CLOCK: variants seen among roughly 807,000 people sequenced by gnomAD.
The protein encoded by CLOCK is circadian locomoter output cycles protein kaput.
CLOCK carries 43 observed loss-of-function variants against 118.4 expected under a neutral mutation model. That is an observed-to-expected ratio of 0.36 (90% CI 0.28 to 0.47). The LOEUF is 0.47. Ranked by LOEUF, CLOCK falls within the 20% of genes least tolerant of loss-of-function variation. The probability of loss-of-function intolerance (pLI) is 1.00; values close to 1 mark genes in which losing one functional copy is unlikely to be tolerated. For missense variants in CLOCK, 846 were observed against 999.9 expected, an observed-to-expected ratio of 0.85 and a Z score of 2.08; for synonymous variants, 326 against 339.2, an observed-to-expected ratio of 0.96 and a Z score of 0.43.
intron 21 of CLOCK, among the ~76,000 whole-genome samples, chr4:55,441,009 A>G (rs1015350164): frequency 6.6e-6 from 1 of 152,144 alleles, no homozygotes; most frequent in Non-Finnish European, 1.5e-5. Flanking sequence ...AAAACTGCTC[A>G]CTTCCTCCTT....
At chr4:55,464,215 G>T (rs1725572251) in intron 8 of CLOCK, among the ~76,000 whole-genome samples, 1 of 152,164 alleles carries the variant, frequency 6.6e-6, no homozygotes, top group Non-Finnish European at 1.5e-5. Context: ...TTGTTTTGGT[G>T]TGATTTCAAT....
intron 9 of CLOCK, among the ~76,000 whole-genome samples, chr4:55,460,024 T>C (rs1725218973): frequency 6.6e-6 from 1 of 152,212 alleles, no homozygotes. Flanking sequence ...TCACTAATTA[T>C]TTGGTATTAT....
chr4:55,463,788 T>G lies in CLOCK; in HGVS notation c.456A>C (p.Gln152His), dbSNP rs751547103. The G allele has an allele frequency of 6.2e-6, 10 of 1,610,570 alleles. No homozygotes were observed. In the African/African-American group the frequency reaches 1.3e-4, roughly 22 times the overall value. Reference protein sequence around the residue: ...LEHLPSDLVDQSIFNFIPEGE... With the variant: ...LEHLPSDLVDHSIFNFIPEGE... The stretch of plus-strand genomic sequence containing the variant: ...CTTCTGGGATAAAATTAAATATACT[T>G]TGATCCACAAGATCAGACTGAAAAG... Residue 152 changes from glutamine (Q) to histidine (H), a missense_variant, in exon 9 of 23, where the codon CAA (glutamine) becomes CAC (histidine). Physicochemically the swap from Gln to His is conservative, Grantham distance 24 (BLOSUM62 0). Coordinates refer to ENST00000513440, the MANE Select transcript of CLOCK (RefSeq NM_004898.4).
chr4:55,449,304 G>T, intron 17 of CLOCK, 92 bp downstream of exon 17: 1 of 1,138,986 alleles, frequency 8.8e-7, no homozygotes, highest in South Asian at 1.2e-5. Flanking sequence ...TTTACAAAGA[G>T]GGGTGACAAA....
intron 19 of CLOCK, 60 bp from the exon 20 acceptor site, chr4:55,443,956 TA>T: frequency 6.8e-7 from 1 of 1,481,000 alleles, no homozygotes. Flanking sequence ...GAATGAGCAT[TA>T]AAAAGAAGGC....
intron 15 of CLOCK, 198 bp downstream of exon 15, chr4:55,452,856 T>G: frequency 4.2e-6 from 2 of 472,098 alleles, no homozygotes; most frequent in Non-Finnish European, 7.6e-6. Flanking sequence ...CAGACACATC[T>G]CTCATCCAAT....
chr4:55,441,096 T>C (rs1036687970), intron 21 of CLOCK, among the ~76,000 whole-genome samples: 2 of 152,210 alleles, frequency 1.3e-5, no homozygotes, highest in African/African-American at 2.4e-5. Context: ...GTTTGGTCTT[T>C]CCCTTGGGGA....
At chr4:55,513,768 T>C (rs1729310808) in intron 1 of CLOCK, among the ~76,000 whole-genome samples, 1 of 152,154 alleles carries the variant, frequency 6.6e-6, no homozygotes. Flanking sequence ...ATAGTCTTCC[T>C]ATCCATGAAC....
chr4:55,440,966 AAAAACAAAAC>A (rs751491580), intron 21 of CLOCK, among the ~76,000 whole-genome samples: 2 of 151,922 alleles, frequency 1.3e-5, no homozygotes, highest in African/African-American at 4.8e-5. Flanking sequence ...AACTGCTTAC[AAAAACAAAAC>A]AAAACAAAAC....
At chr4:55,473,586 T>G (rs1403715824) in intron 7 of CLOCK, among the ~76,000 whole-genome samples, 1 of 152,206 alleles carries the variant, frequency 6.6e-6, no homozygotes, top group African/African-American at 2.4e-5. Flanking sequence ...GACGTGGCTA[T>G]AATCTATTTA....
intron 3 of CLOCK, among the ~76,000 whole-genome samples, chr4:55,485,073 C>G (rs971950980): frequency 6.6e-6 from 1 of 152,004 alleles, no homozygotes; most frequent in Non-Finnish European, 1.5e-5. Flanking sequence ...AGGTGATTCT[C>G]CTGCCTCAGC....
intron 1 of CLOCK, among the ~76,000 whole-genome samples, chr4:55,515,407 C>T (rs1024701425): frequency 4.6e-5 from 7 of 152,110 alleles, no homozygotes; most frequent in Admixed American, 1.3e-4. Flanking sequence ...TGGAGTCTTG[C>T]TCTGTCACCC....
chr4:55,520,429 G>T (rs2110059605), intron 1 of CLOCK, among the ~76,000 whole-genome samples: 1 of 152,248 alleles, frequency 6.6e-6, no homozygotes, highest in East Asian at 1.9e-4. Flanking sequence ...ATATGCAGAT[G>T]AACTGGTGAA....
intron 7 of CLOCK, among the ~76,000 whole-genome samples, chr4:55,474,622 G>A (rs527616827): frequency 6.6e-6 from 1 of 152,180 alleles, no homozygotes; most frequent in South Asian, 2.1e-4. Flanking sequence ...TAACTCTCTT[G>A]TCAGGGGCAA....
intron 3 of CLOCK, among the ~76,000 whole-genome samples, chr4:55,485,982 G>A (rs1329194549): frequency 6.6e-6 from 1 of 152,124 alleles, no homozygotes; most frequent in Non-Finnish European, 1.5e-5. Flanking sequence ...CTTTACTTAA[G>A]CAACTTGAGA....
chr4:55,471,266 G>A (rs946251313), intron 7 of CLOCK, among the ~76,000 whole-genome samples: 25 of 152,162 alleles, frequency 1.6e-4, no homozygotes, highest in African/African-American at 5.8e-4. Context: ...AAAATAAAAG[G>A]GAGTAGCAGG....
At chr4:55,517,040 G>A (rs1055858536) in intron 1 of CLOCK, among the ~76,000 whole-genome samples, 3 of 152,016 alleles carry the variant, frequency 2.0e-5, no homozygotes, top group Admixed American at 6.5e-5. Context: ...ACATACATAC[G>A]TGTATATATA....
intron 21 of CLOCK, among the ~76,000 whole-genome samples, chr4:55,440,641 T>G (rs1723294709): frequency 6.6e-6 from 1 of 152,188 alleles, no homozygotes; most frequent in South Asian, 2.1e-4. Context: ...AAGAAATAAG[T>G]AATATTTACA....
intron 1 of CLOCK, among the ~76,000 whole-genome samples, chr4:55,536,226 T>C (rs1183604004): frequency 1.3e-5 from 2 of 152,136 alleles, no homozygotes; most frequent in Non-Finnish European, 1.5e-5. Context: ...ATGAATGCCT[T>C]AGAAGACAAC....
Sources: allele counts gnomAD v4.1 joint callset (sites outside exome capture counted in the v4.1 genomes callset), GRCh38; gene constraint gnomAD v4.1.1; transcripts MANE v1.5; gene names NCBI Gene and HGNC (gene_info 2026-07-23, HGNC 2026-07-21).